SLC4A10: variants seen among roughly 807,000 people sequenced by gnomAD.
SLC4A10 encodes the protein solute carrier family 4 member 10.
SLC4A10 carries 42 observed loss-of-function variants against 137.7 expected under a neutral mutation model. The ratio of observed to expected loss-of-function variants is 0.30; its 90% CI spans 0.24 to 0.39. SLC4A10 has a LOEUF of 0.39. SLC4A10 is among the 10% of genes least tolerant of loss of function. SLC4A10 has a pLI of 1.00. For synonymous variants in SLC4A10, 474 were observed against 464.1 expected (o/e 1.02, Z -0.27); for missense variants, 925 against 1,355.0 (o/e 0.68, Z 4.98).
chr2:161,894,881 C>G (rs1342371616), intron 11 of SLC4A10, 56 bp downstream of exon 11: 1 of 1,072,380 alleles, frequency 9.3e-7, no homozygotes, highest in East Asian at 3.4e-5. Context: ...CTTTTAAATG[C>G]ATGTTTTATT....
At chr2:161,701,649 A>G (rs577324153) in intron 1 of SLC4A10, among the ~76,000 whole-genome samples, 9 of 151,902 alleles carry the variant, frequency 5.9e-5, no homozygotes, top group Non-Finnish European at 1.2e-4. Flanking sequence ...TCTCCCTACT[A>G]TAACAGTGAA....
At chr2:161,801,530 A>C (rs1191124240) in intron 2 of SLC4A10, among the ~76,000 whole-genome samples, 2 of 152,076 alleles carry the variant, frequency 1.3e-5, no homozygotes, top group Admixed American at 1.3e-4. Flanking sequence ...TACTTCAAAC[A>C]AAGAAAGCTT....
intron 19 of SLC4A10, among the ~76,000 whole-genome samples, chr2:161,956,778 G>C (rs892038332): frequency 1.3e-5 from 2 of 152,128 alleles, no homozygotes; most frequent in Non-Finnish European, 2.9e-5. Flanking sequence ...GGGAGCTTAG[G>C]CTCCATGATA....
chr2:161,849,352 A>G (rs1206466916), intron 4 of SLC4A10, among the ~76,000 whole-genome samples: 33 of 152,080 alleles, frequency 2.2e-4, no homozygotes. Flanking sequence ...GCGAAGAGAG[A>G]TGATTTGACT....
intron 3 of SLC4A10, among the ~76,000 whole-genome samples, chr2:161,821,579 G>A (rs1490064210): frequency 2.6e-5 from 4 of 152,150 alleles, no homozygotes; most frequent in African/African-American, 9.7e-5. Flanking sequence ...CAGTGATCAT[G>A]CCATTGCACT....
chr2:161,958,764 A>G (rs756899559), intron 21 of SLC4A10, among the ~76,000 whole-genome samples: 7 of 152,214 alleles, frequency 4.6e-5, no homozygotes, highest in Admixed American at 6.5e-5. Context: ...TTTCTTTATC[A>G]TAAGTATATT....
chr2:161,822,861 G>C (rs2057737740), intron 3 of SLC4A10, among the ~76,000 whole-genome samples: 1 of 152,116 alleles, frequency 6.6e-6, no homozygotes, highest in Non-Finnish European at 1.5e-5. Context: ...TGTAGTCCCA[G>C]CTATTTGGGA....
intron 2 of SLC4A10, among the ~76,000 whole-genome samples, chr2:161,777,895 AT>A (rs2052555809): frequency 6.6e-6 from 1 of 151,892 alleles, no homozygotes; most frequent in Non-Finnish European, 1.5e-5. Flanking sequence ...TTTTGAGTTA[AT>A]TTTTGCATAT....
chr2:161,819,725 A>T (rs919904240), intron 3 of SLC4A10, among the ~76,000 whole-genome samples: 2 of 152,112 alleles, frequency 1.3e-5, no homozygotes, highest in African/African-American at 2.4e-5. Flanking sequence ...CGAACTCCTG[A>T]CCTCGTGATC....
chr2:161,711,103 G>T (rs1301232023), intron 1 of SLC4A10, among the ~76,000 whole-genome samples: 1 of 151,728 alleles, frequency 6.6e-6, no homozygotes, highest in South Asian at 2.1e-4. Context: ...ATTGAAAATT[G>T]CATTAAAGAC....
chr2:161,720,868 T>G (rs973875277), intron 1 of SLC4A10, among the ~76,000 whole-genome samples: 1 of 151,850 alleles, frequency 6.6e-6, no homozygotes, highest in Non-Finnish European at 1.5e-5. Context: ...TCTTGCTCTG[T>G]CACCCAGGCT....
At chr2:161,640,595 TC>T (rs2035139028) in intron 1 of SLC4A10, among the ~76,000 whole-genome samples, 1 of 96,052 alleles carries the variant, frequency 1.0e-5, no homozygotes, top group African/African-American at 4.4e-5. Flanking sequence ...TCTCTTTCTT[TC>T]CTTCCTTCCT....
chr2:161,915,825 A>G (rs1311341722), intron 15 of SLC4A10, among the ~76,000 whole-genome samples: 1 of 152,186 alleles, frequency 6.6e-6, no homozygotes, highest in East Asian at 1.9e-4. Flanking sequence ...TCCTGCTTCA[A>G]TATGGGAGAG....
At chr2:161,820,100 A>G (rs2057489874) in intron 3 of SLC4A10, among the ~76,000 whole-genome samples, 1 of 152,238 alleles carries the variant, frequency 6.6e-6, no homozygotes, top group Non-Finnish European at 1.5e-5. Flanking sequence ...AAAATATGGT[A>G]CACAAAGATA....
At chr2:161,674,178 A>T (rs2040038004) in intron 1 of SLC4A10, among the ~76,000 whole-genome samples, 1 of 152,194 alleles carries the variant, frequency 6.6e-6, no homozygotes, top group Non-Finnish European at 1.5e-5. Flanking sequence ...CACTAAAATG[A>T]TATGGAATGT....
In SLC4A10 at chr2:161,839,916, A is replaced by G. The variant is rs2059077036; in HGVS notation, c.405A>G (p.Arg135=). The change falls in exon 4 of 27, where the codon CGA becomes CGG. Residue 135 remains arginine (R), a synonymous_variant. Transcript: ENST00000446997. ...GTGAAGGTGAGGACGCTGAGTGGCG[A>G]GAAACAGCCAGGTGAGGATTTTTGT... ...CWREGEDAEW[R]ETARWLKFEE... 1 of 1,613,878 alleles carries G rather than the reference A, an allele frequency of 6.2e-7. No individual in the cohort carries two copies. The highest frequency in any genetic ancestry group is 2.2e-5 in the East Asian group (1 of 44,888).
chr2:161,976,386 A>G (rs1699380126), intron 24 of SLC4A10, among the ~76,000 whole-genome samples: 1 of 152,194 alleles, frequency 6.6e-6, no homozygotes, highest in South Asian at 2.1e-4. Context: ...TTCTGCTTAT[A>G]TGAGGCACTT....
chr2:161,708,562 C>T, intron 1 of SLC4A10: 2 of 886,478 alleles, frequency 2.3e-6, no homozygotes, highest in South Asian at 2.2e-5. Flanking sequence ...ACAACTGTGT[C>T]AGTCTCTCTT....
chr2:161,963,750 G>A (rs1697127121), intron 21 of SLC4A10, among the ~76,000 whole-genome samples: 1 of 152,158 alleles, frequency 6.6e-6, no homozygotes, highest in African/African-American at 2.4e-5. Flanking sequence ...AACAGAGAAT[G>A]AGAGTCCAGG....
Sources: gnomAD v4.1 joint callset for allele counts (sites outside exome capture counted in the v4.1 genomes callset) on GRCh38, gnomAD v4.1.1 for gene constraint, MANE v1.5 for transcripts, NCBI Gene and HGNC (gene_info 2026-07-23, HGNC 2026-07-21) for gene names.